AP3S2: variants seen among roughly 807,000 people sequenced by gnomAD.
The protein encoded by AP3S2 is AP-3 complex subunit sigma-2.
A neutral mutation model predicts 23.4 loss-of-function variants in AP3S2; 22 were observed. The observed-to-expected ratio is 0.94, with a 90% confidence interval of 0.67 to 1.34. The LOEUF (loss-of-function observed/expected upper bound fraction) is 1.34. Among genes scored for constraint, AP3S2 ranks in the 40% most tolerant of loss-of-function variants. The pLI is 0.00. For missense variants in AP3S2, 241 were observed against 236.9 expected, an observed-to-expected ratio of 1.02 and a Z score of -0.11; for synonymous variants, 86 against 87.1, an observed-to-expected ratio of 0.99 and a Z score of 0.07.
chr15:89,846,036 T>C (rs1196533724), intron 4 of AP3S2, among the ~76,000 whole-genome samples: 1 of 152,114 alleles, frequency 6.6e-6, no homozygotes, highest in African/African-American at 2.4e-5. Context: ...ATAACCCCAA[T>C]AAACCAACAG....
At chr15:89,850,590 AT>A (rs2141850131) in intron 4 of AP3S2, 1 of 153,454 alleles carries the variant, frequency 6.5e-6, no homozygotes, top group Non-Finnish European at 1.5e-5. Context: ...TGTATTTAGA[AT>A]TTTTCATTTC....
chr15:89,891,145 C>G (rs1896811217), intron 1 of AP3S2, among the ~76,000 whole-genome samples: 1 of 152,136 alleles, frequency 6.6e-6, no homozygotes, highest in Non-Finnish European at 1.5e-5. Context: ...ATGAGGCTAC[C>G]TAATTTCTAG....
At position 89,872,335 on chromosome 15, in the gene AP3S2, T is replaced by G. The variant is rs56889348; in HGVS notation, c.274-789A>C. 5.5e-3 allele frequency among the ~76,000 whole-genome samples: 834 copies of G among 152,274 alleles called. 5 individuals carry two copies. The highest frequency in any genetic ancestry group is 0.019 in the African/African-American group (807 of 41,556). On this transcript the variant is annotated intron_variant, in intron 3 of 5. Transcript: ENST00000336418. ...CAGTTATTTAGCCTACAAAATACCT[T>G]CCTATGAATAAATTTAATTGACGTG...
At chr15:89,891,694 C>T (rs1447855781) in intron 1 of AP3S2, among the ~76,000 whole-genome samples, 1 of 150,664 alleles carries the variant, frequency 6.6e-6, no homozygotes, top group Non-Finnish European at 1.5e-5. Flanking sequence ...CCACTTTACA[C>T]CCACTAAAAT....
At chr15:89,880,212 G>T (rs894038140) in intron 3 of AP3S2, among the ~76,000 whole-genome samples, 1 of 151,990 alleles carries the variant, frequency 6.6e-6, no homozygotes, top group Admixed American at 6.6e-5. Context: ...AAACAAGAGG[G>T]AAATGCTAAC....
At position 89,831,816 on chromosome 15, in the gene AP3S2, G is replaced by A. The variant is rs953289983; in HGVS notation, c.*3699C>T. On this transcript the variant is annotated 3_prime_UTR_variant, in exon 6 of 6. Transcript: ENST00000336418. Reference sequence around the variant, plus strand: ...TGTGGCAGGCACAGGGCCATGGCCAGGCCTAGAGGAAGGTGGGCTGTTTGG... The same window carrying A: ...TGTGGCAGGCACAGGGCCATGGCCAAGCCTAGAGGAAGGTGGGCTGTTTGG... 1.3e-5 allele frequency: 2 copies of A among 152,348 alleles called. No homozygotes were observed. The highest frequency in any genetic ancestry group is 1.3e-4 in the Admixed American group (2 of 15,286). 9.4% of individuals were successfully genotyped at this position (152,348 alleles called of 1,614,324 possible).
intron 3 of AP3S2, among the ~76,000 whole-genome samples, chr15:89,885,394 A>T (rs1045457556): frequency 4.6e-5 from 7 of 151,964 alleles, no homozygotes; most frequent in African/African-American, 1.7e-4. Context: ...GTAGAGACGA[A>T]GTTTCACCAT....
intron 3 of AP3S2, among the ~76,000 whole-genome samples, chr15:89,883,624 C>G (rs1172590685): frequency 6.6e-6 from 1 of 152,084 alleles, no homozygotes; most frequent in Non-Finnish European, 1.5e-5. Context: ...AGTGATCCTC[C>G]TGCCTCAGGC....
At chr15:89,849,602 A>T (rs533336969) in intron 4 of AP3S2, among the ~76,000 whole-genome samples, 6 of 152,040 alleles carry the variant, frequency 3.9e-5, no homozygotes, top group South Asian at 2.1e-4. Flanking sequence ...CTCCTGACCT[A>T]GTGATCTGCC....
chr15:89,859,092 A>G (rs923055267), intron 4 of AP3S2, among the ~76,000 whole-genome samples: 10 of 151,744 alleles, frequency 6.6e-5, no homozygotes, highest in Middle Eastern at 3.2e-3. Context: ...TCCTGGGCTC[A>G]AGTGATCCTC....
chr15:89,840,708 G>A (rs184692592), intron 4 of AP3S2, among the ~76,000 whole-genome samples: 19 of 152,304 alleles, frequency 1.2e-4, no homozygotes, highest in Admixed American at 8.5e-4. Context: ...GATTACAGGC[G>A]TGAGCCACCA....
chr15:89,886,968 G>C (rs952424041), intron 3 of AP3S2, among the ~76,000 whole-genome samples: 7 of 151,988 alleles, frequency 4.6e-5, no homozygotes, highest in Non-Finnish European at 7.4e-5. Context: ...CTAATTTTTT[G>C]TATTTTTAGT....
At chr15:89,883,679 G>A (rs1411606916) in intron 3 of AP3S2, among the ~76,000 whole-genome samples, 4 of 152,108 alleles carry the variant, frequency 2.6e-5, no homozygotes, top group Non-Finnish European at 4.4e-5. Flanking sequence ...GCACCTGGAC[G>A]AAACACCCAA....
intron 3 of AP3S2, among the ~76,000 whole-genome samples, chr15:89,881,905 C>T (rs1262551804): frequency 6.6e-6 from 1 of 151,794 alleles, no homozygotes; most frequent in Non-Finnish European, 1.5e-5. Flanking sequence ...ACTGCAACCT[C>T]CACCTCCCGG....
intron 5 of AP3S2, among the ~76,000 whole-genome samples, chr15:89,836,600 G>A (rs917797310): frequency 8.5e-5 from 13 of 152,284 alleles, no homozygotes; most frequent in Middle Eastern, 6.8e-3. Flanking sequence ...CACCTGGCAG[G>A]CTCACCCCCA....
At chr15:89,887,049 G>A (rs1237626929) in intron 3 of AP3S2, among the ~76,000 whole-genome samples, 2 of 152,082 alleles carry the variant, frequency 1.3e-5, no homozygotes, top group African/African-American at 4.8e-5. Context: ...ACCCACCTTG[G>A]CCTCCCAAAG....
intron 4 of AP3S2, among the ~76,000 whole-genome samples, chr15:89,844,547 C>G (rs1421672273): frequency 6.6e-6 from 1 of 151,280 alleles, no homozygotes; most frequent in African/African-American, 2.4e-5. Context: ...TGAGGTCTTG[C>G]TATATTGCTC....
chr15:89,865,817 G>C (rs1014272346), intron 4 of AP3S2: 7 of 152,102 alleles, frequency 4.6e-5, no homozygotes, highest in African/African-American at 1.7e-4. Context: ...AATTCCATCA[G>C]TCATAGAATG....
chr15:89,891,476 C>T (rs1314710699), intron 1 of AP3S2, among the ~76,000 whole-genome samples: 2 of 151,990 alleles, frequency 1.3e-5, no homozygotes, highest in East Asian at 3.9e-4. Context: ...CTGGCCAACA[C>T]AGCGAAACCC....
Sources: gnomAD v4.1 joint callset for allele counts (sites outside exome capture counted in the v4.1 genomes callset) on GRCh38, gnomAD v4.1.1 for gene constraint, MANE v1.5 for transcripts, NCBI Gene and HGNC (gene_info 2026-07-23, HGNC 2026-07-21) for gene names.